RFX2: variants seen among roughly 807,000 people sequenced by gnomAD.
The protein encoded by RFX2 is DNA-binding protein RFX2.
In RFX2, 20 loss-of-function variants were observed where a neutral mutation model predicts 87.8. The ratio of observed to expected loss-of-function variants is 0.23; its 90% CI spans 0.16 to 0.33. RFX2 has a LOEUF of 0.33. Among genes scored for constraint, RFX2 ranks in the 10% least tolerant of loss-of-function variants. The probability of loss-of-function intolerance (pLI) is 1.00; values close to 1 mark genes in which losing one functional copy is unlikely to be tolerated. For missense variants in RFX2, 767 were observed against 1,012.3 expected (o/e 0.76, Z 3.29); for synonymous variants, 397 against 431.3 (o/e 0.92, Z 0.98).
intron 5 of RFX2, among the ~76,000 whole-genome samples, chr19:6,032,499 A>G (rs2086965555): frequency 6.6e-6 from 1 of 152,338 alleles, no homozygotes; most frequent in African/African-American, 2.4e-5. Context: ...GTGGTAAATC[A>G]TAGAATTAGG....
chr19:6,016,701 C>CT lies in RFX2; in HGVS notation c.598-431dup, dbSNP rs2086730261. On this transcript the variant is annotated intron_variant, in intron 6 of 17. Transcript: ENST00000303657. The surrounding 1 kb of genome is among the most constrained non-coding windows in gnomAD (Gnocchi z 5.4). ...CCACCGTGCCTGGCCAGAAATCCATCTTTATGGTCACTGATTTGAGTTCTC... is the reference window on the plus strand; with the variant it reads ...CCACCGTGCCTGGCCAGAAATCCATCTTTTATGGTCACTGATTTGAGTTCTC... Among the ~76,000 whole-genome samples the CT allele has an allele frequency of 6.6e-6, 1 of 152,200 alleles. No individual in the cohort carries two copies. Among genetic ancestry groups the CT allele is most frequent in the Admixed American group, 6.5e-5 (1 of 15,280 alleles).
chr19:6,053,773 T>C (rs948420325), intron 1 of RFX2, among the ~76,000 whole-genome samples: 3 of 152,092 alleles, frequency 2.0e-5, no homozygotes, highest in East Asian at 1.9e-4. Flanking sequence ...CTGGCCAACA[T>C]GGTGAAACTC....
At chr19:6,058,588 C>T (rs2087381830) in intron 1 of RFX2, among the ~76,000 whole-genome samples, 1 of 150,288 alleles carries the variant, frequency 6.7e-6, no homozygotes, top group African/African-American at 2.5e-5. Context: ...CCCGTCATTC[C>T]TCACTTTTGG....
rs527501995 is a variant in RFX2 at position 6,065,553 on chromosome 19, G to A, written c.-8-18049C>T. Among the ~76,000 whole-genome samples, 105 of 152,218 alleles carry A rather than the reference G, an allele frequency of 6.9e-4. No individual in the cohort carries two copies. The South Asian group carries it at 0.021, about 31-fold the overall frequency. ...TCCCAGCTACTCGGGAGGCTGAGGC[G>A]GAAGAATGGCGTGAACCCGGGAGGC... On this transcript the variant is annotated intron_variant, in intron 1 of 17. Transcript: ENST00000303657.
intron 5 of RFX2, among the ~76,000 whole-genome samples, chr19:6,038,346 A>C (rs1179406256): frequency 1.3e-4 from 19 of 150,804 alleles, no homozygotes; most frequent in African/African-American, 4.6e-4. Flanking sequence ...AAAAAAAAAA[A>C]AAAAAACCCA....
intron 1 of RFX2, among the ~76,000 whole-genome samples, chr19:6,055,086 A>C (rs931594667): frequency 6.6e-6 from 1 of 152,238 alleles, no homozygotes; most frequent in African/African-American, 2.4e-5. Flanking sequence ...CAGATGCCCA[A>C]AAGTACATGA....
At chr19:6,014,524 C>A (rs942541763) in intron 7 of RFX2, among the ~76,000 whole-genome samples, 4 of 152,232 alleles carry the variant, frequency 2.6e-5, no homozygotes, top group Non-Finnish European at 5.9e-5. Flanking sequence ...CAGGCGTGAG[C>A]AACCATGCCC....
intron 1 of RFX2, chr19:6,057,047 G>C (rs1266244525): frequency 6.6e-6 from 1 of 152,310 alleles, no homozygotes; most frequent in African/African-American, 2.4e-5. Flanking sequence ...TGAAATAAAG[G>C]GGAAAAGCAC....
chr19:6,023,971 G>C lies in RFX2; in HGVS notation c.597+2192C>G, dbSNP rs1339829628. On this transcript the variant is annotated intron_variant, in intron 6 of 17. Transcript: ENST00000303657. The surrounding 1 kb of genome is among the most constrained non-coding windows in gnomAD (Gnocchi z 4.9). ...ATATTTGTATTTTTGGTAGAGATGGGGTTTCGTCATGTTGGTCAGGCTGGT... is the reference window on the plus strand; with the variant it reads ...ATATTTGTATTTTTGGTAGAGATGGCGTTTCGTCATGTTGGTCAGGCTGGT... 2.0e-5 allele frequency among the ~76,000 whole-genome samples: 3 copies of C among 152,084 alleles called. No individual in the cohort carries two copies. Among genetic ancestry groups the C allele is most frequent in the Non-Finnish European group, 2.9e-5 (2 of 68,004 alleles).
intron 1 of RFX2, among the ~76,000 whole-genome samples, chr19:6,105,710 C>T (rs1473820632): frequency 6.6e-6 from 1 of 152,032 alleles, no homozygotes; most frequent in Non-Finnish European, 1.5e-5. Flanking sequence ...GGTGGCGAGG[C>T]ATGGTCAGGT....
intron 5 of RFX2, among the ~76,000 whole-genome samples, chr19:6,035,580 GCT>G (rs1317711397): frequency 6.6e-6 from 1 of 152,188 alleles, no homozygotes; most frequent in Non-Finnish European, 1.5e-5. Context: ...CAGTGTTTGT[GCT>G]CTGTCTTTAG....
rs1011211315 is a variant in RFX2 at position 6,056,543 on chromosome 19, C to T, written c.-8-9039G>A. 2.6e-5 allele frequency among the ~76,000 whole-genome samples: 4 copies of T among 152,126 alleles called. No homozygotes were observed. Among genetic ancestry groups the T allele is most frequent in the African/African-American group, 9.7e-5 (4 of 41,414 alleles). ...AGAGAGTGGGCAGAGGGCAGGGCCC[C>T]GAGGGCGTGGGTGTACTCAAGGTAA... On this transcript the variant is annotated intron_variant, in intron 1 of 17. Coordinates refer to ENST00000303657, the MANE Select transcript of RFX2 (RefSeq NM_000635.4). The surrounding 1 kb of genome is among the most constrained non-coding windows in gnomAD (Gnocchi z 4.6).
In RFX2 at chr19:6,053,955, CAA is replaced by C. The variant is rs553721219; in HGVS notation, c.-8-6453_-8-6452del. ...TGGGTGACAGAGCAAGACTCTATCT[CAA>C]AAAAAAAAAAAAAAAAAAAGCAAGT... is the stretch of plus-strand genomic sequence containing the variant. On this transcript the variant is annotated intron_variant, in intron 1 of 17. Coordinates refer to ENST00000303657, the MANE Select transcript of RFX2 (RefSeq NM_000635.4). Among the ~76,000 whole-genome samples the C allele has an allele frequency of 5.5e-3, 265 of 48,052 alleles. 1 individual carries two copies. The highest frequency in any genetic ancestry group is 0.017 in the African/African-American group (254 of 15,010). 31.5% of individuals were successfully genotyped at this position (48,052 alleles called of 152,430 possible). A position where few individuals can be genotyped will look rare whatever the true frequency, so the allele number is the denominator to read the frequency against.
intron 1 of RFX2, among the ~76,000 whole-genome samples, chr19:6,092,020 G>C (rs1339255968): frequency 6.6e-6 from 1 of 152,172 alleles, no homozygotes; most frequent in Non-Finnish European, 1.5e-5. Flanking sequence ...TCCGGGAGTG[G>C]GGGGAGGAAA....
Position 6,042,095 on chromosome 19 carries a change from G to A in RFX2, c.209C>T (p.Ala70Val), listed in dbSNP as rs1202362002. 1.9e-6 allele frequency: 3 copies of A among 1,613,956 alleles called. No individual in the cohort carries two copies. The highest frequency in any genetic ancestry group is 2.2e-5 in the East Asian group (1 of 44,892). The stretch of plus-strand genomic sequence containing the variant: ...TCCCCCTTCCACGTACTGCACCTGG[G>A]CAGGATACACGTGCTGCACCGGCTG... ...QVQPVQHVYPAQVQYVEGGDA... is the reference protein window; with the variant it reads ...QVQPVQHVYPVQVQYVEGGDA... The change falls in exon 4 of 18, where the codon GCC (alanine) becomes GTC (valine). Residue 70 changes from alanine to valine, a missense_variant. Around this residue, in one of 2 missense-constraint regions of RFX2, gnomAD observed 146 missense variants for 139.2 expected, o/e 1.05. Transcript: ENST00000303657.
At chr19:6,105,710 C>G (rs1473820632) in intron 1 of RFX2, among the ~76,000 whole-genome samples, 1 of 152,032 alleles carries the variant, frequency 6.6e-6, no homozygotes, top group Non-Finnish European at 1.5e-5. Flanking sequence ...GGTGGCGAGG[C>G]ATGGTCAGGT....
At chr19:6,035,907 C>T (rs924611436) in intron 5 of RFX2, among the ~76,000 whole-genome samples, 10 of 149,774 alleles carry the variant, frequency 6.7e-5, no homozygotes, top group Non-Finnish European at 5.9e-5. Context: ...AGCCTATTCA[C>T]GGATTTCTAA....
chr19:6,013,133 T>C lies in RFX2; in HGVS notation c.780-28A>G. The stretch of plus-strand genomic sequence containing the variant: ...GGAAACCAAACATCCCAGGGTCAGC[T>C]CCCTTTGCAGATGTCCTGAACAACA... On this transcript the variant is annotated intron_variant, in intron 7 of 17. Coordinates refer to ENST00000303657, the MANE Select transcript of RFX2 (RefSeq NM_000635.4). The surrounding 1 kb of genome is among the most constrained non-coding windows in gnomAD (Gnocchi z 4.1). 1 of 1,564,790 alleles carries C rather than the reference T, an allele frequency of 6.4e-7. No individual in the cohort carries two copies. The highest frequency in any genetic ancestry group is 8.6e-7 in the Non-Finnish European group (1 of 1,157,502).
At chr19:6,104,644 C>T (rs1000603385) in intron 1 of RFX2, among the ~76,000 whole-genome samples, 9 of 151,966 alleles carry the variant, frequency 5.9e-5, no homozygotes, top group African/African-American at 2.2e-4. Flanking sequence ...TGGGTTCAAG[C>T]GATCCTCCTG....
Sources: gnomAD v4.1 joint callset for allele counts (sites outside exome capture counted in the v4.1 genomes callset) on GRCh38, gnomAD v4.1.1 for gene constraint, gnomAD v4.1.1 regional missense constraint, Gnocchi (gnomAD v3.1) non-coding constraint, MANE v1.5 for transcripts, NCBI Gene and HGNC (gene_info 2026-07-23, HGNC 2026-07-21) for gene names.